MAP3K13: variants seen among roughly 807,000 people sequenced by gnomAD.
The protein encoded by MAP3K13 is mitogen-activated protein kinase kinase kinase 13, also known as leucine zipper-bearing kinase.
Under a neutral mutation model 104.0 loss-of-function variants are expected in MAP3K13, and 52 were observed. That is an observed-to-expected ratio of 0.50 (90% CI 0.40 to 0.63). The LOEUF (loss-of-function observed/expected upper bound fraction) is 0.63. MAP3K13 is among the 20% of genes least tolerant of loss of function. The pLI is 0.00. For synonymous variants in MAP3K13, 394 were observed against 442.2 expected (o/e 0.89, Z 1.37); for missense variants, 914 against 1,218.5 (o/e 0.75, Z 3.72).
intron 1 of MAP3K13, among the ~76,000 whole-genome samples, chr3:185,371,342 A>G (rs1263280259): frequency 6.6e-6 from 1 of 152,250 alleles, no homozygotes. Flanking sequence ...GTAACAATAC[A>G]TATCTGTGTA....
At chr3:185,311,108 A>G (rs1054518366) in intron 2 of MAP3K13, among the ~76,000 whole-genome samples, 1 of 152,214 alleles carries the variant, frequency 6.6e-6, no homozygotes, top group Non-Finnish European at 1.5e-5. Context: ...TGAGTTTCCT[A>G]GGAATATTCC....
Position 185,366,675 on chromosome 3 carries a change from C to T in MAP3K13, c.-86+3307C>T, listed in dbSNP as rs527818189. 4.7e-4 allele frequency among the ~76,000 whole-genome samples: 71 copies of T among 152,306 alleles called. No individual in the cohort carries two copies. In the Middle Eastern group the frequency reaches 0.01, roughly 22 times the overall value. On this transcript the variant is annotated intron_variant, in intron 1 of 13. Transcript: ENST00000265026. Reference sequence around the variant, plus strand: ...CTCATTGTGGTTTTGGTTTATATTTCCCTAAAAGTGAATGATGTCAAGGAT... The same window carrying T: ...CTCATTGTGGTTTTGGTTTATATTTTCCTAAAAGTGAATGATGTCAAGGAT...
Position 185,418,628 on chromosome 3 carries a change from G to T in MAP3K13, c.-85-9869G>T. The T allele has an allele frequency of 6.2e-7, 1 of 1,612,040 alleles. No individual in the cohort carries two copies. Among genetic ancestry groups the T allele is most frequent in the Non-Finnish European group, 8.5e-7 (1 of 1,179,438 alleles). On this transcript the variant is annotated intron_variant, in intron 1 of 13. Coordinates refer to ENST00000265026, the MANE Select transcript of MAP3K13 (RefSeq NM_004721.5). This position sits in a 1 kb window ranked among gnomAD's most constrained non-coding sequence, Gnocchi z 4.5. ...CCTGCTAATTCACTGGCAGCGTAGG[G>T]CTGTCTGTTGTTTTTGCGCAAGTTG...
intron 2 of MAP3K13, among the ~76,000 whole-genome samples, chr3:185,341,168 C>T (rs1722708386): frequency 6.6e-6 from 1 of 152,112 alleles, no homozygotes; most frequent in Non-Finnish European, 1.5e-5. Context: ...GAAACAGGCT[C>T]TTTATAGATG....
chr3:185,434,766 A>T (rs990274375), intron 2 of MAP3K13, among the ~76,000 whole-genome samples: 2 of 152,144 alleles, frequency 1.3e-5, no homozygotes, highest in Admixed American at 6.6e-5. Context: ...AATGTTTCCA[A>T]TGTTTAACAG....
chr3:185,407,869 A>ATTTTTTTT (rs35693572), intron 1 of MAP3K13, among the ~76,000 whole-genome samples: 5 of 69,116 alleles, frequency 7.2e-5, no homozygotes, highest in African/African-American at 1.2e-4. Flanking sequence ...AATTTTGAGA[A>ATTTTTTTT]TTTTTTTTTT....
At chr3:185,443,829 G>A (rs1715455272) in intron 4 of MAP3K13, 193 bp downstream of exon 4, 1 of 504,900 alleles carries the variant, frequency 2.0e-6, no homozygotes, top group Non-Finnish European at 3.5e-6. Flanking sequence ...GATACGTCCA[G>A]GTATCTGAAA....
rs1716641286 is a variant in MAP3K13 at position 185,455,727 on chromosome 3, T to TG, written c.1278+4332_1278+4333insG. On this transcript the variant is annotated intron_variant, in intron 7 of 13. Coordinates refer to ENST00000265026, the MANE Select transcript of MAP3K13 (RefSeq NM_004721.5). Reference sequence around the variant, plus strand: ...TGAGATATATATGAGATATATATGATATATATATGAGATATATATATGATA... The same window carrying TG: ...TGAGATATATATGAGATATATATGATGATATATATGAGATATATATATGATA... Among the ~76,000 whole-genome samples, 68 of 10,830 alleles carry TG rather than the reference T, an allele frequency of 6.3e-3. 4 individuals are homozygous for TG. The highest frequency in any genetic ancestry group is 7.3e-3 in the Non-Finnish European group (31 of 4,218). 7.1% of individuals were successfully genotyped at this position (10,830 alleles called of 152,430 possible). A position where few individuals can be genotyped will look rare whatever the true frequency, so the allele number is the denominator to read the frequency against.
intron 9 of MAP3K13, 96 bp from the exon 10 acceptor site, chr3:185,466,730 G>A: frequency 7.1e-7 from 1 of 1,403,208 alleles, no homozygotes; most frequent in Non-Finnish European, 1.0e-6. Flanking sequence ...ATAGCTAAAT[G>A]TGGCAGAATC....
At position 185,418,623 on chromosome 3, in the gene MAP3K13, G is replaced by T; in HGVS notation, c.-85-9874G>T. ...GATGACCTGCTAATTCACTGGCAGC[G>T]TAGGGCTGTCTGTTGTTTTTGCGCA... On this transcript the variant is annotated intron_variant, in intron 1 of 13. Transcript: ENST00000265026. The surrounding 1 kb of genome is among the most constrained non-coding windows in gnomAD (Gnocchi z 4.5). 1 of 1,612,106 alleles carries T rather than the reference G, an allele frequency of 6.2e-7. No individual in the cohort carries two copies. The highest frequency in any genetic ancestry group is 8.5e-7 in the Non-Finnish European group (1 of 1,179,490).
intron 7 of MAP3K13, among the ~76,000 whole-genome samples, chr3:185,452,430 T>C (rs901067509): frequency 9.2e-5 from 14 of 152,056 alleles, no homozygotes; most frequent in Non-Finnish European, 1.2e-4. Context: ...AGAGATGTGG[T>C]TTCACCATGT....
At chr3:185,452,534 C>A (rs1235933400) in intron 7 of MAP3K13, among the ~76,000 whole-genome samples, 1 of 152,138 alleles carries the variant, frequency 6.6e-6, no homozygotes, top group Non-Finnish European at 1.5e-5. Context: ...ATTGCCTGGC[C>A]CCATCCCAAA....
intron 2 of MAP3K13, among the ~76,000 whole-genome samples, chr3:185,317,448 T>A (rs1193928275): frequency 6.6e-6 from 1 of 152,218 alleles, no homozygotes; most frequent in African/African-American, 2.4e-5. Flanking sequence ...CTGAAGTGAT[T>A]TCTGTCAGTG....
intron 2 of MAP3K13, among the ~76,000 whole-genome samples, chr3:185,305,276 C>T (rs1721252063): frequency 6.6e-6 from 1 of 152,216 alleles, no homozygotes; most frequent in Middle Eastern, 3.4e-3. Context: ...TCTCGTGTAT[C>T]TTCTAAAGGT....
chr3:185,289,069 G>A (rs1720640397), intron 2 of MAP3K13, among the ~76,000 whole-genome samples: 1 of 152,104 alleles, frequency 6.6e-6, no homozygotes, highest in Admixed American at 6.5e-5. Context: ...GAGGGGACTG[G>A]GAATTTTTAG....
intron 2 of MAP3K13, among the ~76,000 whole-genome samples, chr3:185,299,038 A>G (rs959466564): frequency 2.0e-4 from 30 of 152,358 alleles, no homozygotes; most frequent in Middle Eastern, 3.4e-3. Flanking sequence ...CTTTCAGGAA[A>G]TGCTGAAAAT....
At chr3:185,454,612 TGATA>T (rs1242732172) in intron 7 of MAP3K13, among the ~76,000 whole-genome samples, 1 of 64,918 alleles carries the variant, frequency 1.5e-5, no homozygotes, top group South Asian at 5.2e-4. Context: ...GAGATATATA[TGATA>T]TATATATGAG....
At chr3:185,390,621 A>AT (rs750832762) in intron 1 of MAP3K13, among the ~76,000 whole-genome samples, 6,477 of 123,662 alleles carry the variant, frequency 0.052, 243 homozygotes, top group Non-Finnish European at 0.067. Context: ...TACAGTCAGA[A>AT]TTTTTTTTTT....
intron 2 of MAP3K13, among the ~76,000 whole-genome samples, chr3:185,331,092 CTTT>C (rs34204309): frequency 5.5e-5 from 6 of 108,590 alleles, no homozygotes; most frequent in African/African-American, 2.1e-4. Context: ...CCTAATTTAC[CTTT>C]TTTTTTTTTT....
Sources: allele counts gnomAD v4.1 joint callset (sites outside exome capture counted in the v4.1 genomes callset), GRCh38; gene constraint gnomAD v4.1.1; non-coding constraint Gnocchi (gnomAD v3.1); transcripts MANE v1.5; gene names NCBI Gene and HGNC (gene_info 2026-07-23, HGNC 2026-07-21).